ADAMTS12: variants seen among roughly 807,000 people sequenced by gnomAD.
ADAMTS12 encodes ADAM metallopeptidase with thrombospondin type 1 motif 12.
ADAMTS12 carries 118 observed loss-of-function variants against 167.8 expected under a neutral mutation model. That is an observed-to-expected ratio of 0.70 (90% CI 0.61 to 0.82). The LOEUF is 0.82. Ranked by LOEUF, ADAMTS12 falls within the 40% of genes least tolerant of loss-of-function variation. The pLI is 0.00. For missense variants in ADAMTS12, 1,916 were observed against 1,998.8 expected (o/e 0.96, Z 0.79); for synonymous variants, 704 against 716.9 (o/e 0.98, Z 0.29).
chr5:33,593,834 C>T (rs1445617578), intron 17 of ADAMTS12, among the ~76,000 whole-genome samples: 1 of 152,134 alleles, frequency 6.6e-6, no homozygotes, highest in Non-Finnish European at 1.5e-5. Context: ...TATCCCAGAA[C>T]TTAAAGTAAA....
Position 33,630,461 on chromosome 5 carries a change from C to G in ADAMTS12, c.2022+319G>C, listed in dbSNP as rs114709502. Among the ~76,000 whole-genome samples, 1,317 of 152,274 alleles carry G rather than the reference C, an allele frequency of 8.6e-3. 24 individuals are homozygous for G. The highest frequency in any genetic ancestry group is 0.03 in the African/African-American group (1,232 of 41,560). ...AACTATTATTAATTTCAGTTTTTCTCAAATTTAATGCCACTGAAATAATCT... is the reference window on the plus strand; with the variant it reads ...AACTATTATTAATTTCAGTTTTTCTGAAATTTAATGCCACTGAAATAATCT... On this transcript the variant is annotated intron_variant, in intron 13 of 23. Coordinates refer to ENST00000504830, the MANE Select transcript of ADAMTS12 (RefSeq NM_030955.4).
intron 23 of ADAMTS12, among the ~76,000 whole-genome samples, chr5:33,528,617 G>A (rs957864605): frequency 2.0e-5 from 3 of 152,198 alleles, no homozygotes; most frequent in Non-Finnish European, 2.9e-5. Context: ...CTCAAGTAGT[G>A]AAGAACTTGT....
chr5:33,891,587 C>T, intron 1 of ADAMTS12, 143 bp downstream of exon 1: 1 of 1,267,806 alleles, frequency 7.9e-7, no homozygotes, highest in Non-Finnish European at 1.1e-6. Context: ...CTCCTGAGGT[C>T]CCAGCCCAGA....
intron 7 of ADAMTS12, among the ~76,000 whole-genome samples, chr5:33,654,874 TTGTG>T (rs34219097): frequency 8.1e-4 from 115 of 141,658 alleles, no homozygotes; most frequent in African/African-American, 1.9e-3. Flanking sequence ...GTGGGTGATT[TTGTG>T]TGTGTGTGTG....
intron 7 of ADAMTS12, among the ~76,000 whole-genome samples, chr5:33,652,403 T>A (rs185212436): frequency 1.3e-5 from 2 of 152,264 alleles, no homozygotes; most frequent in South Asian, 2.1e-4. Flanking sequence ...ATTTTTTATA[T>A]GTTTATTGGC....
At chr5:33,884,407 T>C (rs1189476324) in intron 1 of ADAMTS12, among the ~76,000 whole-genome samples, 5 of 152,226 alleles carry the variant, frequency 3.3e-5, no homozygotes, top group Non-Finnish European at 7.3e-5. Flanking sequence ...AGGCCACTCC[T>C]GGCCGTGCTT....
intron 1 of ADAMTS12, among the ~76,000 whole-genome samples, chr5:33,888,498 TAAGAA>T (rs1236236381): frequency 1.3e-5 from 2 of 152,244 alleles, no homozygotes; most frequent in Admixed American, 1.3e-4. Flanking sequence ...CTTTTTACAT[TAAGAA>T]AATAGCTGAA....
At position 33,863,712 on chromosome 5, in the gene ADAMTS12, T is replaced by A. The variant is rs1749709461; in HGVS notation, c.489+17407A>T. Among the ~76,000 whole-genome samples the A allele has an allele frequency of 1.3e-5, 2 of 152,124 alleles. 1 individual carries two copies. The highest frequency in any genetic ancestry group is 1.3e-4 in the Admixed American group (2 of 15,270). ...AGAATTAGAAAAAACTACTTTAAATTTCATATGAAACTAAAAAAGAGCCCG... is the reference window on the plus strand; with the variant it reads ...AGAATTAGAAAAAACTACTTTAAATATCATATGAAACTAAAAAAGAGCCCG... On this transcript the variant is annotated intron_variant, in intron 2 of 23. Coordinates refer to ENST00000504830, the MANE Select transcript of ADAMTS12 (RefSeq NM_030955.4).
chr5:33,651,873 A>G (rs947242481), intron 7 of ADAMTS12, among the ~76,000 whole-genome samples: 5 of 152,076 alleles, frequency 3.3e-5, no homozygotes, highest in Non-Finnish European at 5.9e-5. Flanking sequence ...TTTAGCTCCC[A>G]CTTGTAAGTG....
intron 22 of ADAMTS12, among the ~76,000 whole-genome samples, chr5:33,542,609 G>C (rs1428473014): frequency 2.0e-5 from 3 of 152,114 alleles, no homozygotes. Context: ...ACACATAATT[G>C]GAAGTAAAGC....
At chr5:33,748,022 G>A (rs2112384834) in intron 3 of ADAMTS12, among the ~76,000 whole-genome samples, 1 of 152,298 alleles carries the variant, frequency 6.6e-6, no homozygotes, top group Admixed American at 6.5e-5. Context: ...GCCAGACCCT[G>A]TTTTTCTAGC....
At chr5:33,538,126 G>A (rs1579634816) in intron 22 of ADAMTS12, among the ~76,000 whole-genome samples, 1 of 152,070 alleles carries the variant, frequency 6.6e-6, no homozygotes, top group African/African-American at 2.4e-5. Flanking sequence ...CCTGAGACTG[G>A]GTAATTTATT....
chr5:33,816,576 C>T (rs1397051372), intron 2 of ADAMTS12, among the ~76,000 whole-genome samples: 1 of 152,156 alleles, frequency 6.6e-6, no homozygotes, highest in Non-Finnish European at 1.5e-5. Context: ...ATTCCATTAA[C>T]ATTTATCTAA....
chr5:33,533,253 A>C (rs1378633583), intron 23 of ADAMTS12, among the ~76,000 whole-genome samples: 1 of 152,268 alleles, frequency 6.6e-6, no homozygotes, highest in Non-Finnish European at 1.5e-5. Flanking sequence ...ATCAACCAAG[A>C]GTAAGTTGTT....
At chr5:33,843,794 C>T (rs935982025) in intron 2 of ADAMTS12, among the ~76,000 whole-genome samples, 3 of 152,094 alleles carry the variant, frequency 2.0e-5, no homozygotes, top group African/African-American at 7.2e-5. Flanking sequence ...GGCAAATGGC[C>T]TAGGCAGTGT....
At chr5:33,572,094 G>T (rs1480585022) in intron 19 of ADAMTS12, among the ~76,000 whole-genome samples, 52 of 152,114 alleles carry the variant, frequency 3.4e-4, no homozygotes, top group African/African-American at 8.7e-4. Context: ...GCTGAAATTG[G>T]GGCAATAATC....
At chr5:33,848,115 G>T (rs1749015154) in intron 2 of ADAMTS12, among the ~76,000 whole-genome samples, 1 of 152,074 alleles carries the variant, frequency 6.6e-6, no homozygotes, top group African/African-American at 2.4e-5. Flanking sequence ...CACTCAGGAG[G>T]CTGAGGCAGG....
chr5:33,835,784 G>C (rs1033073504), intron 2 of ADAMTS12, among the ~76,000 whole-genome samples: 2 of 152,134 alleles, frequency 1.3e-5, no homozygotes, highest in African/African-American at 4.8e-5. Flanking sequence ...CCCCATTTTA[G>C]AGTTGAGATA....
intron 19 of ADAMTS12, among the ~76,000 whole-genome samples, chr5:33,571,167 G>C (rs1746318961): frequency 6.6e-6 from 1 of 151,948 alleles, no homozygotes; most frequent in African/African-American, 2.4e-5. Flanking sequence ...ACACCCCACT[G>C]TCAACATTAG....
Sources: gnomAD v4.1 joint callset for allele counts (sites outside exome capture counted in the v4.1 genomes callset) on GRCh38, gnomAD v4.1.1 for gene constraint, MANE v1.5 for transcripts, NCBI Gene and HGNC (gene_info 2026-07-23, HGNC 2026-07-21) for gene names.